The following AGBL1 variants were observed in gnomAD, a reference collection of about 807,000 sequenced individuals.
The protein encoded by AGBL1 is AGBL carboxypeptidase 1.
Under a neutral mutation model 118.9 loss-of-function variants are expected in AGBL1, and 130 were observed. That is an observed-to-expected ratio of 1.09 (90% CI 0.95 to 1.26). The LOEUF (loss-of-function observed/expected upper bound fraction) is 1.26. Ranked by LOEUF, AGBL1 falls within the 50% of genes most tolerant of loss-of-function variation. The pLI, the probability that AGBL1 is intolerant of heterozygous loss-of-function variation, is 0.00. For missense variants in AGBL1, 1,584 were observed against 1,298.1 expected, an observed-to-expected ratio of 1.22 and a Z score of -3.38; for synonymous variants, 555 against 478.9, an observed-to-expected ratio of 1.16 and a Z score of -2.08.
intron 23 of AGBL1, among the ~76,000 whole-genome samples, chr15:86,958,854 A>G (rs866391403): frequency 6.6e-6 from 1 of 152,194 alleles, no homozygotes; most frequent in Non-Finnish European, 1.5e-5. Flanking sequence ...GTCTGTTAAA[A>G]TGAATTAGCT....
At chr15:86,925,155 G>A (rs766150448) in intron 23 of AGBL1, among the ~76,000 whole-genome samples, 7 of 22,378 alleles carry the variant, frequency 3.1e-4, no homozygotes, top group African/African-American at 3.9e-4. Flanking sequence ...AGGAGGAGGA[G>A]GAGGAGGAGG....
intron 18 of AGBL1, among the ~76,000 whole-genome samples, chr15:86,471,804 G>A (rs909610934): frequency 3.3e-5 from 5 of 152,084 alleles, no homozygotes; most frequent in Non-Finnish European, 5.9e-5. Context: ...GTAGTAGGTC[G>A]AATGGTGACC....
rs1020693762 is a variant in AGBL1 at position 86,190,393 on chromosome 15, A to G, written c.488+31367A>G. Among the ~76,000 whole-genome samples the G allele has an allele frequency of 3.3e-5, 5 of 152,168 alleles. 1 individual carries two copies. In the South Asian group the frequency reaches 1.0e-3, roughly 31 times the overall value. On this transcript the variant is annotated intron_variant, in intron 5 of 22. Coordinates refer to ENST00000614907, the MANE Select transcript of AGBL1 (RefSeq NM_001386094.1). ...TTAAATATTAGCATTTATATAATAGAAAGTAAATAGTAAGTAATAATATAT... is the reference window on the plus strand; with the variant it reads ...TTAAATATTAGCATTTATATAATAGGAAGTAAATAGTAAGTAATAATATAT...
intron 21 of AGBL1, among the ~76,000 whole-genome samples, chr15:86,628,681 A>G (rs1023842287): frequency 6.6e-5 from 10 of 152,018 alleles, no homozygotes; most frequent in African/African-American, 2.4e-4. Flanking sequence ...CTGTAGTCCC[A>G]GCTACTTGGG....
chr15:86,862,379 T>C (rs1292846770), intron 22 of AGBL1, among the ~76,000 whole-genome samples: 2 of 152,204 alleles, frequency 1.3e-5, no homozygotes, highest in African/African-American at 4.8e-5. Flanking sequence ...TGCACACCTA[T>C]AAGATTGGAT....
intron 21 of AGBL1, among the ~76,000 whole-genome samples, chr15:86,632,913 A>T (rs1369046240): frequency 1.3e-5 from 2 of 152,204 alleles, no homozygotes; most frequent in South Asian, 2.1e-4. Flanking sequence ...ACCATACTTG[A>T]TTCACTTGCA....
intron 22 of AGBL1, among the ~76,000 whole-genome samples, chr15:86,761,734 C>T (rs796678589): frequency 9.9e-4 from 151 of 152,060 alleles, no homozygotes; most frequent in African/African-American, 3.5e-3. Context: ...GTTATTAGAC[C>T]TTTGTCAAAT....
chr15:86,212,207 G>A (rs918275437), intron 5 of AGBL1, among the ~76,000 whole-genome samples: 1 of 152,194 alleles, frequency 6.6e-6, no homozygotes, highest in Non-Finnish European at 1.5e-5. Flanking sequence ...TATGATAAGT[G>A]CTGAGATTTT....
At chr15:86,482,909 G>A (rs1372125768) in intron 18 of AGBL1, among the ~76,000 whole-genome samples, 1 of 152,012 alleles carries the variant, frequency 6.6e-6, no homozygotes, top group Non-Finnish European at 1.5e-5. Flanking sequence ...AAGGAGAGCT[G>A]TATTTCTCAT....
At chr15:86,827,355 ATATATATG>A (rs2079030107) in intron 22 of AGBL1, among the ~76,000 whole-genome samples, 1 of 11,402 alleles carries the variant, frequency 8.8e-5, no homozygotes, top group African/African-American at 8.2e-4. Context: ...ATATATATAT[ATATATATG>A]TGTGTGTATA....
At position 86,790,563 on chromosome 15, in the gene AGBL1, A is replaced by G. The variant is rs569713539; in HGVS notation, c.3158+116127A>G. On this transcript the variant is annotated intron_variant, in intron 22 of 22. Transcript: ENST00000614907. The stretch of plus-strand genomic sequence containing the variant: ...AACCTCTTTTCTAGAATACTGAGAT[A>G]TAGATGATGACCATTTGGTCTCTTA... 2.6e-5 allele frequency among the ~76,000 whole-genome samples: 4 copies of G among 152,310 alleles called. No homozygotes were observed. The South Asian group carries it at 8.3e-4, about 32-fold the overall frequency.
intron 1 of AGBL1, among the ~76,000 whole-genome samples, chr15:86,097,687 G>A (rs1896467196): frequency 6.6e-6 from 1 of 151,980 alleles, no homozygotes; most frequent in African/African-American, 2.4e-5. Context: ...TGAATAGTAT[G>A]CCATTGTGTA....
At chr15:86,115,438 G>A (rs1238141407) in intron 1 of AGBL1, among the ~76,000 whole-genome samples, 1 of 152,036 alleles carries the variant, frequency 6.6e-6, no homozygotes, top group Non-Finnish European at 1.5e-5. Context: ...AAAATTATCT[G>A]TTCTCTGTAA....
At chr15:86,940,209 C>G (rs2080733233) in intron 23 of AGBL1, among the ~76,000 whole-genome samples, 1 of 151,760 alleles carries the variant, frequency 6.6e-6, no homozygotes, top group African/African-American at 2.4e-5. Flanking sequence ...GTTGAGTGCA[C>G]TGTTTCTAAT....
At chr15:86,657,064 T>C (rs1232129672) in intron 21 of AGBL1, among the ~76,000 whole-genome samples, 6 of 152,206 alleles carry the variant, frequency 3.9e-5, no homozygotes, top group Non-Finnish European at 7.3e-5. Flanking sequence ...GTTTCTCTCA[T>C]GTTAACTGTT....
intron 5 of AGBL1, among the ~76,000 whole-genome samples, chr15:86,166,951 C>T (rs1476344723): frequency 1.3e-5 from 2 of 152,126 alleles, no homozygotes; most frequent in African/African-American, 2.4e-5. Context: ...TTGTACAGCT[C>T]GTACCTCCCT....
rs575390806 is a variant in AGBL1, at chr15:86,894,939, A to G, written c.3159-12148A>G. Among the ~76,000 whole-genome samples the G allele has an allele frequency of 5.9e-5, 9 of 152,220 alleles. No homozygotes were observed. In the South Asian group the frequency reaches 1.9e-3, roughly 32 times the overall value. ...TTGCTAGATCTGAACAACTTTGTTC[A>G]AAGGGAATAAGATAATGGATTAAGT... On this transcript the variant is annotated intron_variant, in intron 22 of 22. Coordinates refer to ENST00000614907, the MANE Select transcript of AGBL1 (RefSeq NM_001386094.1).
chr15:86,794,611 T>C (rs1205989050), intron 22 of AGBL1, among the ~76,000 whole-genome samples: 2 of 152,100 alleles, frequency 1.3e-5, no homozygotes, highest in Non-Finnish European at 2.9e-5. Flanking sequence ...GAGAACTTTA[T>C]AATATGTGAA....
In AGBL1 at chr15:86,308,734, A is replaced by G. The variant is rs184721874; in HGVS notation, c.2374+13326A>G. ...TGCATCAAAGATCAATTGACCACAT[A>G]TGCATGGATTTATTTCTGGCTCCTT... On this transcript the variant is annotated intron_variant, in intron 17 of 22. Coordinates refer to ENST00000614907, the MANE Select transcript of AGBL1 (RefSeq NM_001386094.1). 3.0e-3 allele frequency among the ~76,000 whole-genome samples: 462 copies of G among 152,268 alleles called. 3 individuals carry two copies. The highest frequency in any genetic ancestry group is 0.011 in the African/African-American group (440 of 41,550).
Sources: gnomAD v4.1 joint callset for allele counts (sites outside exome capture counted in the v4.1 genomes callset) on GRCh38, gnomAD v4.1.1 for gene constraint, MANE v1.5 for transcripts, NCBI Gene and HGNC (gene_info 2026-07-23, HGNC 2026-07-21) for gene names.